Variants in LPP observed in about 807,000 individuals in gnomAD.
LPP encodes the protein lipoma-preferred partner.
Under a neutral mutation model 60.4 loss-of-function variants are expected in LPP, and 38 were observed. That is an observed-to-expected ratio of 0.63 (90% CI 0.49 to 0.83). LPP has a LOEUF of 0.83. Among genes scored for constraint, LPP ranks in the 40% least tolerant of loss-of-function variants. The probability of loss-of-function intolerance (pLI) is 0.00; values close to 1 mark genes in which losing one functional copy is unlikely to be tolerated. For missense variants in LPP, 902 were observed against 783.6 expected, an observed-to-expected ratio of 1.15 and a Z score of -1.80; for synonymous variants, 328 against 290.8, an observed-to-expected ratio of 1.13 and a Z score of -1.30.
chr3:188,862,727 A>G (rs982827508), intron 9 of LPP, among the ~76,000 whole-genome samples: 4 of 85,488 alleles, frequency 4.7e-5, no homozygotes, highest in South Asian at 3.5e-4. Context: ...AAATAAATAA[A>G]TAAATAAATA....
At chr3:188,326,830 T>G (rs143025429) in intron 2 of LPP, among the ~76,000 whole-genome samples, 26 of 152,306 alleles carry the variant, frequency 1.7e-4, no homozygotes, top group African/African-American at 6.3e-4. Flanking sequence ...TTGTATTCTA[T>G]TCTTAGTATT....
intron 9 of LPP, among the ~76,000 whole-genome samples, chr3:188,805,822 A>AT (rs1577676829): frequency 6.6e-6 from 1 of 151,424 alleles, no homozygotes; most frequent in South Asian, 2.1e-4. Flanking sequence ...GTATCTAGTA[A>AT]TTTTTTTGAC....
chr3:188,591,366 C>G (rs899555042), intron 6 of LPP, among the ~76,000 whole-genome samples: 1 of 152,170 alleles, frequency 6.6e-6, no homozygotes, highest in Non-Finnish European at 1.5e-5. Flanking sequence ...TTCTGAAGCC[C>G]CAGTCTAGTA....
intron 8 of LPP, among the ~76,000 whole-genome samples, chr3:188,727,083 A>G (rs1465138903): frequency 6.6e-6 from 1 of 152,172 alleles, no homozygotes; most frequent in Non-Finnish European, 1.5e-5. Context: ...TTCATGTCTA[A>G]GGATCTTACC....
intron 5 of LPP, among the ~76,000 whole-genome samples, chr3:188,492,760 A>ACATCT (rs1808777152): frequency 3.3e-5 from 5 of 152,180 alleles, no homozygotes; most frequent in Non-Finnish European, 7.4e-5. Context: ...AGATATTTTC[A>ACATCT]AATTTATTTC....
chr3:188,337,679 A>G (rs371352965), intron 2 of LPP, among the ~76,000 whole-genome samples: 18 of 151,930 alleles, frequency 1.2e-4, no homozygotes, highest in Non-Finnish European at 1.3e-4. Flanking sequence ...GTTTTTTTCT[A>G]TATAGCAATG....
At chr3:188,524,860 C>T in intron 6 of LPP, 73 bp downstream of exon 6, 2 of 1,451,520 alleles carry the variant, frequency 1.4e-6, no homozygotes, top group Non-Finnish European at 1.8e-6. Context: ...GAACATGCTG[C>T]ACCTGAGAGC....
At chr3:188,479,138 T>G (rs545985057) in intron 4 of LPP, among the ~76,000 whole-genome samples, 15 of 152,326 alleles carry the variant, frequency 9.8e-5, no homozygotes, top group Admixed American at 8.5e-4. Flanking sequence ...TCACCTTGTG[T>G]GTGTGCGTGT....
At chr3:188,684,683 C>T (rs73196739) in intron 7 of LPP, among the ~76,000 whole-genome samples, 19,900 of 151,320 alleles carry the variant, frequency 0.13, 1,473 homozygotes, top group Non-Finnish European at 0.17. Flanking sequence ...TATGTAAATA[C>T]ATATTTTATT....
At chr3:188,400,190 A>C (rs867064349) in intron 3 of LPP, among the ~76,000 whole-genome samples, 8 of 152,194 alleles carry the variant, frequency 5.3e-5, no homozygotes, top group Admixed American at 1.3e-4. Context: ...GGAAATAATA[A>C]GAGCAAAAAC....
intron 6 of LPP, among the ~76,000 whole-genome samples, chr3:188,596,560 T>C (rs1840019492): frequency 6.6e-6 from 1 of 152,114 alleles, no homozygotes; most frequent in African/African-American, 2.4e-5. Context: ...CTGATACACA[T>C]TCAAATCATC....
intron 9 of LPP, among the ~76,000 whole-genome samples, chr3:188,839,688 C>A (rs950664029): frequency 2.0e-5 from 3 of 151,856 alleles, no homozygotes; most frequent in African/African-American, 7.3e-5. Flanking sequence ...TCCTGGCCAA[C>A]ATGGTTAAAC....
At chr3:188,765,861 CTTTTTTTTTT>C (rs71169019) in intron 9 of LPP, among the ~76,000 whole-genome samples, 23 of 92,628 alleles carry the variant, frequency 2.5e-4, no homozygotes, top group South Asian at 9.7e-4. Flanking sequence ...ATGTTCAACT[CTTTTTTTTTT>C]TTTTTTTTTT....
chr3:188,510,894 C>G (rs1815272195), intron 5 of LPP, among the ~76,000 whole-genome samples: 1 of 152,130 alleles, frequency 6.6e-6, no homozygotes, highest in Non-Finnish European at 1.5e-5. Flanking sequence ...TCCTCTCTCT[C>G]ATTTTGCTTT....
chr3:188,250,748 TTC>T (rs1165506919), intron 2 of LPP, among the ~76,000 whole-genome samples: 1 of 113,254 alleles, frequency 8.8e-6, no homozygotes, highest in Non-Finnish European at 1.8e-5. Context: ...CTTTCTTTCT[TTC>T]TTTCTTTCTT....
chr3:188,499,905 T>A (rs1811329097), intron 5 of LPP, among the ~76,000 whole-genome samples: 1 of 152,148 alleles, frequency 6.6e-6, no homozygotes, highest in African/African-American at 2.4e-5. Flanking sequence ...TTAATTTCCT[T>A]TTTGAATTGT....
At chr3:188,394,548 TAA>T (rs1780438571) in intron 3 of LPP, among the ~76,000 whole-genome samples, 1 of 67,356 alleles carries the variant, frequency 1.5e-5, no homozygotes, top group African/African-American at 6.2e-5. Context: ...TAAAAATATC[TAA>T]AGTGTGTGTG....
intron 7 of LPP, among the ~76,000 whole-genome samples, chr3:188,646,956 C>A (rs1851214861): frequency 6.6e-6 from 1 of 152,234 alleles, no homozygotes; most frequent in Admixed American, 6.5e-5. Context: ...CTGCCTGAGC[C>A]TTACTGTGAA....
chr3:188,264,319 G>T (rs61104572), intron 2 of LPP, among the ~76,000 whole-genome samples: 14,476 of 151,490 alleles, frequency 0.096, 729 homozygotes, highest in South Asian at 0.13. Flanking sequence ...GAGAGATTTT[G>T]AATGGGAATA....
Sources: gnomAD v4.1 joint callset for allele counts (sites outside exome capture counted in the v4.1 genomes callset) on GRCh38, gnomAD v4.1.1 for gene constraint, MANE v1.5 for transcripts, NCBI Gene and HGNC (gene_info 2026-07-23, HGNC 2026-07-21) for gene names.